Variants in CCN3 observed in about 807,000 individuals in gnomAD.
CCN3 encodes the protein CCN family member 3.
CCN3 carries 20 observed loss-of-function variants against 33.4 expected under a neutral mutation model. The observed-to-expected ratio is 0.60, with a 90% confidence interval of 0.42 to 0.87. The LOEUF (loss-of-function observed/expected upper bound fraction) is 0.87. Among genes scored for constraint, CCN3 ranks in the 40% least tolerant of loss-of-function variants. CCN3 has a pLI of 0.00. For synonymous variants in CCN3, 205 were observed against 170.4 expected, an observed-to-expected ratio of 1.20 and a Z score of -1.58; for missense variants, 465 against 455.3, an observed-to-expected ratio of 1.02 and a Z score of -0.19.
chr8:119,417,057 G>A (rs1820061387), intron 2 of CCN3, 88 bp downstream of exon 2: 1 of 1,058,178 alleles, frequency 9.5e-7, no homozygotes, highest in African/African-American at 1.6e-5. Context: ...CCCCTTCCCA[G>A]AGGGCGATAA....
At position 119,424,345 on chromosome 8, in the gene CCN3, T is replaced by C. The variant is rs1820166366; in HGVS notation, c.*1213T>C. On this transcript the variant is annotated 3_prime_UTR_variant, in exon 5 of 5. Transcript: ENST00000259526. ...TTGTCATATCACTAAATAAACACGA[T>C]TTTATTGCTGCGTGACTCTGTATTA... 6.6e-6 allele frequency: 1 copy of C among 152,238 alleles called. No individual in the cohort carries two copies. The highest frequency in any genetic ancestry group is 2.1e-4 in the South Asian group (1 of 4,830). 9.4% of individuals were successfully genotyped at this position (152,238 alleles called of 1,614,324 possible). A position where few individuals can be genotyped will look rare whatever the true frequency, so the allele number is the denominator to read the frequency against.
Position 119,419,129 on chromosome 8 carries a change from AGCTTACAG to A in CCN3, c.564_571del (p.Tyr189ArgfsTer10). 1.2e-6 allele frequency: 2 copies of A among 1,612,638 alleles called. No homozygotes were observed. Among genetic ancestry groups the A allele is most frequent in the Non-Finnish European group, 1.7e-6 (2 of 1,178,726 alleles). ...GGCTGTCTTTATTTATACATCCCATAGCTTACAGGCCAGAAGCCACCCTAGGAGTAGAA... is the reference window on the plus strand; with the variant it reads ...GGCTGTCTTTATTTATACATCCCATAGCCAGAAGCCACCCTAGGAGTAGAA... On this transcript the variant is annotated splice_acceptor_variant and coding_sequence_variant, in exon 4 of 5. Coordinates refer to ENST00000259526, the MANE Select transcript of CCN3 (RefSeq NM_002514.4). LOFTEE classifies it high-confidence loss of function.
Position 119,418,263 on chromosome 8 carries a change from C to T in CCN3, c.516C>T (p.Ile172=). The change falls in exon 3 of 5, where the codon ATC becomes ATT. Residue 172 remains isoleucine (I), a synonymous_variant. Transcript: ENST00000259526. ...EVPGECCEKW[I]CGPDEEDSLG... ...CTGGAGAGTGCTGTGAAAAGTGGAT[C>T]TGTGGCCCAGATGAGGAGGATTCAC... The T allele has an allele frequency of 1.2e-6, 2 of 1,614,162 alleles. No homozygotes were observed. The highest frequency in any genetic ancestry group is 1.7e-6 in the Non-Finnish European group (2 of 1,180,032).
In CCN3 at chr8:119,419,304, G is replaced by T. The variant is rs770974357; in HGVS notation, c.736G>T (p.Val246Leu). 6.2e-7 allele frequency: 1 copy of T among 1,614,092 alleles called. No homozygotes were observed. The highest frequency in any genetic ancestry group is 8.5e-7 in the Non-Finnish European group (1 of 1,180,038). The change falls in exon 4 of 5, where the codon GTG (valine) becomes TTG (leucine). Residue 246 changes from valine (V) to leucine (L), a missense_variant. By Grantham distance (32) the Val-to-Leu change is conservative. Transcript: ENST00000259526. ...GCTGAAACAGACTCGGCTCTGCATG[G>T]TGCGGCCCTGTGAACAAGAGCCAGA... ...EMLKQTRLCM[V>L]RPCEQEPEQP...
intron 4 of CCN3, 135 bp downstream of exon 4, chr8:119,419,480 C>A: frequency 2.5e-6 from 2 of 790,608 alleles, no homozygotes; most frequent in African/African-American, 1.7e-5. Context: ...AGAGAAAAGG[C>A]AGTGGGGTTC....
In CCN3 at chr8:119,419,224, G is replaced by A. The variant is rs550785712; in HGVS notation, c.656G>A (p.Ser219Asn). 2 of 1,614,242 alleles carry A rather than the reference G, an allele frequency of 1.2e-6. No individual in the cohort carries two copies. The highest frequency in any genetic ancestry group is 1.1e-5 in the South Asian group (1 of 91,088). ...ACAGAGTGGACAGCATGCTCCAAGA[G>A]CTGTGGTATGGGGTTCTCCACCCGG... ...QTTEWTACSKSCGMGFSTRVT... is the reference protein window; with the variant it reads ...QTTEWTACSKNCGMGFSTRVT... Residue 219 changes from serine (S) to asparagine (N), a missense_variant, in exon 4 of 5, where the codon AGC (serine) becomes AAC (asparagine). Transcript: ENST00000259526.
intron 4 of CCN3, among the ~76,000 whole-genome samples, chr8:119,420,457 T>A (rs1244009423): frequency 6.6e-6 from 1 of 152,238 alleles, no homozygotes; most frequent in Non-Finnish European, 1.5e-5. Flanking sequence ...TTGCATTAGT[T>A]ATATGGCTGC....
At chr8:119,422,324 T>C (rs530145942) in intron 4 of CCN3, among the ~76,000 whole-genome samples, 1 of 152,202 alleles carries the variant, frequency 6.6e-6, no homozygotes, top group East Asian at 1.9e-4. Context: ...ACCAGGCCCC[T>C]CCTCTGACAC....
Position 119,416,910 on chromosome 8 carries a change from G to C in CCN3, c.251G>C (p.Ser84Thr). 1 of 1,614,032 alleles carries C rather than the reference G, an allele frequency of 6.2e-7. No individual in the cohort carries two copies. The highest frequency in any genetic ancestry group is 8.5e-7 in the Non-Finnish European group (1 of 1,180,016). The change falls in exon 2 of 5, where the codon AGC (serine) becomes ACC (threonine). Residue 84 changes from serine to threonine, a missense_variant. By Grantham distance (58) the Ser-to-Thr change is moderately conservative. Coordinates refer to ENST00000259526, the MANE Select transcript of CCN3 (RefSeq NM_002514.4). The stretch of plus-strand genomic sequence containing the variant: ...TCAGATCTGGAGCCATGCGACGAGA[G>C]CAGTGGCCTCTACTGTGATCGCAGC... ...SCSDLEPCDE[S>T]SGLYCDRSAD...
At position 119,418,580 on chromosome 8, in the gene CCN3, AT is replaced by A. The variant is rs1200360261; in HGVS notation, c.562+272del. Reference sequence around the variant, plus strand: ...TTTTGTCTTATTTTTGTCTTATTGGATGACTACTACTTGTATTTTAATCCAT... The same window carrying A: ...TTTTGTCTTATTTTTGTCTTATTGGAGACTACTACTTGTATTTTAATCCAT... On this transcript the variant is annotated intron_variant, in intron 3 of 4. Transcript: ENST00000259526. 2.0e-5 allele frequency among the ~76,000 whole-genome samples: 3 copies of A among 152,204 alleles called. No homozygotes were observed. In the East Asian group the frequency reaches 5.8e-4, roughly 29 times the overall value.
rs1300382611 is a variant in CCN3, at chr8:119,423,778, A to G, written c.*646A>G. ...CTGGTGTCATAAACTTTCTCCATTTAAGACACATTGACTCCTTTCCAATAG... is the reference window on the plus strand; with the variant it reads ...CTGGTGTCATAAACTTTCTCCATTTGAGACACATTGACTCCTTTCCAATAG... On this transcript the variant is annotated 3_prime_UTR_variant, in exon 5 of 5. Transcript: ENST00000259526. 1 of 152,228 alleles carries G rather than the reference A, an allele frequency of 6.6e-6. No homozygotes were observed. Among genetic ancestry groups the G allele is most frequent in the East Asian group, 1.9e-4 (1 of 5,200 alleles). 9.4% of individuals were successfully genotyped at this position (152,228 alleles called of 1,614,324 possible). A position where few individuals can be genotyped will look rare whatever the true frequency, so the allele number is the denominator to read the frequency against.
intron 3 of CCN3, 61 bp from the exon 4 acceptor site, chr8:119,419,070 G>A: frequency 7.3e-7 from 1 of 1,363,256 alleles, no homozygotes; most frequent in Non-Finnish European, 1.0e-6. Flanking sequence ...GGCTGAAAAG[G>A]ACCACTTTCC....
chr8:119,423,314 G>A lies in CCN3; in HGVS notation c.*182G>A. 2 of 566,602 alleles carry A rather than the reference G, an allele frequency of 3.5e-6. No homozygotes were observed. The highest frequency in any genetic ancestry group is 3.2e-5 in the South Asian group (1 of 31,338). 35.1% of individuals were successfully genotyped at this position (566,602 alleles called of 1,614,324 possible). On this transcript the variant is annotated 3_prime_UTR_variant, in exon 5 of 5. Transcript: ENST00000259526. ...TATTTAACAAAAAATGTAATTAACT[G>A]TAAACTTGGAATCAAGGTAAGCTCA...
In CCN3 at chr8:119,418,268, G is replaced by A; in HGVS notation, c.521G>A (p.Gly174Asp). The A allele has an allele frequency of 1.2e-6, 2 of 1,614,184 alleles. No homozygotes were observed. Among genetic ancestry groups the A allele is most frequent in the East Asian group, 2.2e-5 (1 of 44,876 alleles). Residue 174 changes from glycine (G) to aspartate (D), a missense_variant, in exon 3 of 5, where the codon GGC becomes GAC. By Grantham distance (94) the Gly-to-Asp change is moderately conservative (BLOSUM62 -1). Transcript: ENST00000259526. ...PGECCEKWICGPDEEDSLGGL... is the reference protein window; with the variant it reads ...PGECCEKWICDPDEEDSLGGL... The stretch of plus-strand genomic sequence containing the variant: ...GAGTGCTGTGAAAAGTGGATCTGTG[G>A]CCCAGATGAGGAGGATTCACTGGGA...
rs1364782210 is a variant in CCN3, at chr8:119,419,215, G to A, written c.647G>A (p.Cys216Tyr). The change falls in exon 4 of 5, where the codon TGC becomes TAC. Residue 216 changes from cysteine to tyrosine, a missense_variant. Transcript: ENST00000259526. ...CIEQTTEWTA[C>Y]SKSCGMGFST... ...GAACAGACCACAGAGTGGACAGCAT[G>A]CTCCAAGAGCTGTGGTATGGGGTTC... is the stretch of plus-strand genomic sequence containing the variant. The A allele has an allele frequency of 1.2e-6, 2 of 1,614,106 alleles. No individual in the cohort carries two copies. The highest frequency in any genetic ancestry group is 1.7e-6 in the Non-Finnish European group (2 of 1,180,046).
chr8:119,419,065 A>G, intron 3 of CCN3, 66 bp from the exon 4 acceptor site: 4 of 1,331,882 alleles, frequency 3.0e-6, no homozygotes, highest in Non-Finnish European at 4.3e-6. Context: ...ATAATGGCTG[A>G]AAAGGACCAC....
chr8:119,418,472 T>C (rs1318748601), intron 3 of CCN3, among the ~76,000 whole-genome samples, 163 bp downstream of exon 3: 1 of 152,248 alleles, frequency 6.6e-6, no homozygotes, highest in Non-Finnish European at 1.5e-5. Context: ...TTGTAGACAT[T>C]AGATCAAACA....
intron 3 of CCN3, among the ~76,000 whole-genome samples, chr8:119,418,528 C>T (rs886866164): frequency 1.3e-5 from 2 of 152,176 alleles, no homozygotes; most frequent in Admixed American, 6.5e-5. Flanking sequence ...TGCAATTTCT[C>T]CTGAAGAGGA....
rs769686348 is a variant in CCN3 at position 119,416,810 on chromosome 8, G to C, written c.151G>C (p.Ala51Pro). Residue 51 changes from alanine to proline, a missense_variant, in exon 2 of 5, where the codon GCC becomes CCC. Transcript: ENST00000259526. ...GTGCCCTGCGACGCCGCCGACCTGC[G>C]CCCCCGGGGTGCGCGCGGTGCTGGA... ...GRCPATPPTCAPGVRAVLDGC... is the reference protein window; with the variant it reads ...GRCPATPPTCPPGVRAVLDGC... 5 of 1,606,452 alleles carry C rather than the reference G, an allele frequency of 3.1e-6. No homozygotes were observed. In the East Asian group the frequency reaches 9.0e-5, roughly 29 times the overall value.
Sources: gnomAD v4.1 joint callset for allele counts (sites outside exome capture counted in the v4.1 genomes callset) on GRCh38, gnomAD v4.1.1 for gene constraint, MANE v1.5 for transcripts, NCBI Gene and HGNC (gene_info 2026-07-23, HGNC 2026-07-21) for gene names.